Variants in HCN1 observed in about 807,000 individuals in gnomAD.
HCN1 encodes the protein hyperpolarization activated cyclic nucleotide gated potassium channel 1, also known as potassium/sodium hyperpolarization-activated cyclic nucleotide-gated channel 1.
Under a neutral mutation model 78.9 loss-of-function variants are expected in HCN1, and 13 were observed. That is an observed-to-expected ratio of 0.16 (90% CI 0.11 to 0.26). HCN1 has a LOEUF of 0.26. Ranked by LOEUF, HCN1 falls within the 10% of genes least tolerant of loss-of-function variation. The pLI, the probability that HCN1 is intolerant of heterozygous loss-of-function variation, is 1.00. For missense variants in HCN1, 810 were observed against 1,154.3 expected (o/e 0.70, Z 4.32); for synonymous variants, 552 against 455.5 (o/e 1.21, Z -2.70).
chr5:45,669,148 T>A (rs376897661), intron 1 of HCN1, among the ~76,000 whole-genome samples: 4 of 151,944 alleles, frequency 2.6e-5, no homozygotes, highest in African/African-American at 7.2e-5. Context: ...AAATTAACCA[T>A]GTGTCAGAGC....
At chr5:45,320,640 G>A (rs1012435795) in intron 5 of HCN1, among the ~76,000 whole-genome samples, 1 of 151,616 alleles carries the variant, frequency 6.6e-6, no homozygotes, top group South Asian at 2.1e-4. Flanking sequence ...GATGGATTCT[G>A]AGAAGCCACC....
chr5:45,645,064 A>C (rs1745523237), intron 2 of HCN1, 121 bp downstream of exon 2: 3 of 710,924 alleles, frequency 4.2e-6, no homozygotes, highest in Admixed American at 5.3e-5. Flanking sequence ...AGAGTCGTCG[A>C]ATACATTTTT....
At chr5:45,330,310 T>A (rs1746318330) in intron 5 of HCN1, among the ~76,000 whole-genome samples, 1 of 151,298 alleles carries the variant, frequency 6.6e-6, no homozygotes, top group African/African-American at 2.4e-5. Flanking sequence ...GAAATTGAGC[T>A]TGGTCAAATA....
At chr5:45,448,169 AAC>A (rs2111590018) in intron 3 of HCN1, among the ~76,000 whole-genome samples, 1 of 152,224 alleles carries the variant, frequency 6.6e-6, no homozygotes, top group East Asian at 1.9e-4. Flanking sequence ...TCCATGGAAA[AAC>A]AGTTCTTTCA....
intron 2 of HCN1, among the ~76,000 whole-genome samples, chr5:45,609,864 G>T (rs2111976706): frequency 6.6e-6 from 1 of 152,282 alleles, no homozygotes; most frequent in South Asian, 2.1e-4. Context: ...TTCACAGGAG[G>T]TGTGACCAAC....
intron 3 of HCN1, among the ~76,000 whole-genome samples, chr5:45,425,705 A>G (rs1425679875): frequency 6.6e-6 from 1 of 152,218 alleles, no homozygotes; most frequent in African/African-American, 2.4e-5. Context: ...TTTAAAATGA[A>G]TTAGAGATTT....
intron 2 of HCN1, among the ~76,000 whole-genome samples, chr5:45,628,571 A>G (rs570504716): frequency 2.6e-5 from 4 of 152,378 alleles, no homozygotes; most frequent in African/African-American, 9.6e-5. Context: ...ACATTAAAAT[A>G]TAAATGATTT....
intron 2 of HCN1, among the ~76,000 whole-genome samples, chr5:45,474,260 C>T (rs935356216): frequency 6.6e-6 from 1 of 151,886 alleles, no homozygotes; most frequent in African/African-American, 2.4e-5. Flanking sequence ...TCACACTCTA[C>T]TTCCCTATTT....
intron 2 of HCN1, among the ~76,000 whole-genome samples, chr5:45,560,183 T>A (rs1045443448): frequency 1.3e-5 from 2 of 152,162 alleles, no homozygotes; most frequent in African/African-American, 4.8e-5. Flanking sequence ...ATTGCTATAT[T>A]TGCTTTATTG....
chr5:45,541,134 T>C (rs1049315275), intron 2 of HCN1, among the ~76,000 whole-genome samples: 12 of 152,184 alleles, frequency 7.9e-5, no homozygotes, highest in Non-Finnish European at 1.3e-4. Flanking sequence ...GAAAAAGAAT[T>C]TGTGGGCTGT....
chr5:45,407,336 T>C (rs1739945010), intron 3 of HCN1, among the ~76,000 whole-genome samples: 1 of 152,050 alleles, frequency 6.6e-6, no homozygotes, highest in Non-Finnish European at 1.5e-5. Flanking sequence ...CATATAAAAG[T>C]ATAGCATATA....
chr5:45,374,034 ACATAATATATATT>A (rs1747516565), intron 4 of HCN1, among the ~76,000 whole-genome samples: 1 of 110,440 alleles, frequency 9.1e-6, no homozygotes, highest in Non-Finnish European at 1.7e-5. Flanking sequence ...TATATTATAT[ACATAATATATATT>A]ATATATATTA....
intron 2 of HCN1, among the ~76,000 whole-genome samples, chr5:45,594,728 A>G (rs958184309): frequency 8.5e-5 from 13 of 152,198 alleles, no homozygotes; most frequent in African/African-American, 3.1e-4. Context: ...ATAATTGCAT[A>G]AGGAGATGTC....
intron 6 of HCN1, among the ~76,000 whole-genome samples, chr5:45,298,682 T>C (rs1039009904): frequency 1.5e-4 from 23 of 152,134 alleles, no homozygotes; most frequent in African/African-American, 5.3e-4. Flanking sequence ...ATAGGTAAAT[T>C]TCCTGTTCAG....
At chr5:45,322,808 C>A (rs1746149547) in intron 5 of HCN1, among the ~76,000 whole-genome samples, 1 of 151,680 alleles carries the variant, frequency 6.6e-6, no homozygotes, top group Admixed American at 6.6e-5. Context: ...ATTATTAACC[C>A]AATTTTATAG....
At chr5:45,412,753 AGAGGCTG>A (rs68175843) in intron 3 of HCN1, among the ~76,000 whole-genome samples, 48,063 of 151,462 alleles carry the variant, frequency 0.32, 7,916 homozygotes, top group East Asian at 0.47. Context: ...TTGATCCCCA[AGAGGCTG>A]GAACTGGGTG....
rs151184910 is a variant in HCN1 at position 45,447,574 on chromosome 5, G to A, written c.1011+14272C>T. Among the ~76,000 whole-genome samples the A allele has an allele frequency of 6.0e-4, 92 of 152,236 alleles. No homozygotes were observed. The Middle Eastern group carries it at 0.01, about 17-fold the overall frequency. ...TTATTAATATGTTGAAAATAACTCC[G>A]ATCTGAAGACAGGATCCTAAAGATG... On this transcript the variant is annotated intron_variant, in intron 3 of 7. Coordinates refer to ENST00000303230, the MANE Select transcript of HCN1 (RefSeq NM_021072.4).
intron 5 of HCN1, among the ~76,000 whole-genome samples, chr5:45,321,789 T>A (rs542329133): frequency 1.3e-5 from 2 of 151,986 alleles, no homozygotes; most frequent in South Asian, 4.1e-4. Context: ...AGGTATATTT[T>A]AAAAATCTTG....
intron 2 of HCN1, among the ~76,000 whole-genome samples, chr5:45,502,016 A>G (rs1742200667): frequency 6.6e-6 from 1 of 152,148 alleles, no homozygotes; most frequent in Non-Finnish European, 1.5e-5. Context: ...CAATCTCAGG[A>G]CAACTGTACA....
Sources: allele counts gnomAD v4.1 joint callset (sites outside exome capture counted in the v4.1 genomes callset), GRCh38; gene constraint gnomAD v4.1.1; transcripts MANE v1.5; gene names NCBI Gene and HGNC (gene_info 2026-07-23, HGNC 2026-07-21).